Variants in SHISA9 observed in about 807,000 individuals in gnomAD.
The protein encoded by SHISA9 is shisa family member 9, also known as protein shisa-9.
In SHISA9, 13 loss-of-function variants were observed where a neutral mutation model predicts 38.0. The ratio of observed to expected loss-of-function variants is 0.34; its 90% CI spans 0.22 to 0.54. The LOEUF (loss-of-function observed/expected upper bound fraction) is 0.54, where lower values mean the gene tolerates loss of function less well. SHISA9 is among the 20% of genes least tolerant of loss of function. The pLI, the probability that SHISA9 is intolerant of heterozygous loss-of-function variation, is 0.91. For synonymous variants in SHISA9, 275 were observed against 242.0 expected (o/e 1.14, Z -1.27); for missense variants, 538 against 575.8 (o/e 0.93, Z 0.67).
intron 2 of SHISA9, among the ~76,000 whole-genome samples, chr16:13,155,589 G>GGT (rs34008707): frequency 0.32 from 48,618 of 151,204 alleles, 7,883 homozygotes; most frequent in East Asian, 0.48. Context: ...TTGTGTGTGT[G>GGT]GTGTGTGTGT....
At chr16:13,134,306 A>C (rs79217183) in intron 2 of SHISA9, among the ~76,000 whole-genome samples, 3,338 of 152,296 alleles carry the variant, frequency 0.022, 118 homozygotes, top group African/African-American at 0.074. Flanking sequence ...ACATAGCACA[A>C]TGCCTGGCAC....
chr16:13,374,178 T>G, the SHISA9 span, among the ~76,000 whole-genome samples: 3 of 152,136 alleles, frequency 2.0e-5, no homozygotes, highest in African/African-American at 7.2e-5. Flanking sequence ...CTTTTTTTTT[T>G]TAGTATGCTT....
At chr16:13,534,611 T>C in the SHISA9 span, among the ~76,000 whole-genome samples, 1 of 152,214 alleles carries the variant, frequency 6.6e-6, no homozygotes, top group Non-Finnish European at 1.5e-5. Flanking sequence ...TTACAAGAAT[T>C]GTCAGCAATC....
chr16:13,019,610 C>G (rs2072798757), intron 2 of SHISA9, among the ~76,000 whole-genome samples: 1 of 151,654 alleles, frequency 6.6e-6, no homozygotes, highest in Non-Finnish European at 1.5e-5. Flanking sequence ...ATTTCCCGGT[C>G]TTTTTTTTAA....
At chr16:12,928,880 T>C (rs1489540578) in intron 2 of SHISA9, among the ~76,000 whole-genome samples, 2 of 152,232 alleles carry the variant, frequency 1.3e-5, no homozygotes, top group Non-Finnish European at 2.9e-5. Context: ...AGACGTTGCA[T>C]AAGCATATTA....
intron 2 of SHISA9, among the ~76,000 whole-genome samples, chr16:13,042,455 C>T (rs559418081): frequency 1.3e-5 from 2 of 152,196 alleles, no homozygotes; most frequent in African/African-American, 4.8e-5. Context: ...AACAGAGACA[C>T]TCTTTGTAAG....
At chr16:13,303,427 A>T in the SHISA9 span, among the ~76,000 whole-genome samples, 1 of 152,234 alleles carries the variant, frequency 6.6e-6, no homozygotes, top group African/African-American at 2.4e-5. Context: ...ATACCAGAAT[A>T]TGCTCCAATG....
At chr16:13,164,847 G>C (rs2050622845) in intron 2 of SHISA9, among the ~76,000 whole-genome samples, 1 of 152,076 alleles carries the variant, frequency 6.6e-6, no homozygotes, top group African/African-American at 2.4e-5. Flanking sequence ...ATAGAGTTTG[G>C]ATGACATGAA....
At chr16:13,020,113 GCCATCC>G (rs1170896527) in intron 2 of SHISA9, among the ~76,000 whole-genome samples, 1 of 148,564 alleles carries the variant, frequency 6.7e-6, no homozygotes, top group African/African-American at 2.5e-5. Flanking sequence ...TGCAACTTCT[GCCATCC>G]AGGCTGAAGC....
chr16:13,217,329 G>C (rs1178961208), intron 4 of SHISA9, among the ~76,000 whole-genome samples: 16 of 152,152 alleles, frequency 1.1e-4, no homozygotes, highest in Non-Finnish European at 2.1e-4. Context: ...CACCCTGGAA[G>C]ACACCATCTC....
At chr16:13,388,221 A>G in the SHISA9 span, among the ~76,000 whole-genome samples, 1 of 152,272 alleles carries the variant, frequency 6.6e-6, no homozygotes, top group African/African-American at 2.4e-5. Flanking sequence ...ATAGGATTCT[A>G]TAGAAACGTG....
At position 13,127,523 on chromosome 16, in the gene SHISA9, G is replaced by C. The variant is rs1047599541; in HGVS notation, c.692-75871G>C. ...AACAAGAAAAGGATAGAGAATAAAG[G>C]AAGAAAAGTAAAGAGAAGCGGAACT... On this transcript the variant is annotated intron_variant, in intron 2 of 4. Coordinates refer to ENST00000558583, the MANE Select transcript of SHISA9 (RefSeq NM_001145204.3). Among the ~76,000 whole-genome samples, 3 of 151,980 alleles carry C rather than the reference G, an allele frequency of 2.0e-5. No individual in the cohort carries two copies. In the East Asian group the frequency reaches 5.8e-4, roughly 30 times the overall value.
At chr16:13,328,771 C>A in the SHISA9 span, among the ~76,000 whole-genome samples, 1 of 152,120 alleles carries the variant, frequency 6.6e-6, no homozygotes, top group Non-Finnish European at 1.5e-5. Flanking sequence ...CCATACCCAG[C>A]CTAGCAACAT....
intron 2 of SHISA9, among the ~76,000 whole-genome samples, chr16:13,102,108 G>C (rs1008632885): frequency 6.6e-6 from 1 of 152,150 alleles, no homozygotes; most frequent in Non-Finnish European, 1.5e-5. Flanking sequence ...AGGCTTTTGA[G>C]TTTGCATCCC....
At chr16:13,251,275 C>T in the SHISA9 span, among the ~76,000 whole-genome samples, 1 of 152,152 alleles carries the variant, frequency 6.6e-6, no homozygotes, top group Non-Finnish European at 1.5e-5. Context: ...AGCCCCTCAC[C>T]CCAACTCCTG....
the SHISA9 span, among the ~76,000 whole-genome samples, chr16:13,277,532 G>T: frequency 6.6e-6 from 1 of 151,734 alleles, no homozygotes; most frequent in Non-Finnish European, 1.5e-5. Flanking sequence ...TCATGATTTT[G>T]ATTCTACCCA....
the SHISA9 span, among the ~76,000 whole-genome samples, chr16:13,420,743 C>G: frequency 1.3e-5 from 2 of 152,168 alleles, no homozygotes; most frequent in Admixed American, 1.3e-4. Context: ...GGGAGCCCAC[C>G]AACATCCCCA....
the SHISA9 span, among the ~76,000 whole-genome samples, chr16:13,310,429 T>C: frequency 6.6e-6 from 1 of 152,182 alleles, no homozygotes; most frequent in African/African-American, 2.4e-5. Flanking sequence ...GGTCTTTGTG[T>C]GTTCCTCCTC....
the SHISA9 span, among the ~76,000 whole-genome samples, chr16:13,362,144 G>T: frequency 1.4e-5 from 2 of 147,920 alleles, no homozygotes; most frequent in East Asian, 4.3e-4. Flanking sequence ...CAGGCAGATT[G>T]CTTAAGCTCA....
Sources: gnomAD v4.1 joint callset for allele counts (sites outside exome capture counted in the v4.1 genomes callset) on GRCh38, gnomAD v4.1.1 for gene constraint, MANE v1.5 for transcripts, NCBI Gene and HGNC (gene_info 2026-07-23, HGNC 2026-07-21) for gene names.